The following INTS2 variants were observed in gnomAD, a reference collection of about 807,000 sequenced individuals.
The protein encoded by INTS2 is KIAA1287.
A neutral mutation model predicts 139.6 loss-of-function variants in INTS2; 57 were observed. That is an observed-to-expected ratio of 0.41 (90% CI 0.33 to 0.51). INTS2 has a LOEUF of 0.51. Ranked by LOEUF, INTS2 falls within the 20% of genes least tolerant of loss-of-function variation. The pLI is 0.28. For synonymous variants in INTS2, 473 were observed against 493.4 expected, an observed-to-expected ratio of 0.96 and a Z score of 0.55; for missense variants, 1,196 against 1,436.7, an observed-to-expected ratio of 0.83 and a Z score of 2.71.
intron 9 of INTS2, among the ~76,000 whole-genome samples, chr17:61,902,972 G>A (rs1213775337): frequency 2.0e-5 from 3 of 150,500 alleles, no homozygotes; most frequent in Non-Finnish European, 3.0e-5. Context: ...CGAGACCATC[G>A]TGGCTAACAT....
chr17:61,892,993 C>T (rs1301632637), intron 13 of INTS2, among the ~76,000 whole-genome samples: 1 of 141,334 alleles, frequency 7.1e-6, no homozygotes, highest in Non-Finnish European at 1.5e-5. Flanking sequence ...AGTGGTGGCT[C>T]GCACCTGTAG....
chr17:61,926,411 T>C lies in INTS2; in HGVS notation c.234A>G (p.Ala78=). The C allele has an allele frequency of 2.5e-6, 4 of 1,613,410 alleles. No individual in the cohort carries two copies. In the Admixed American group the frequency reaches 5.0e-5, roughly 20 times the overall value. ...SGVEAVNSIV[A]LLSVDFHALE... ...AAGCATGAAAGTCCACGGACAACAA[T>C]GCAACAATGGAGTTGACAGCTTCCA... is the stretch of plus-strand genomic sequence containing the variant. Residue 78 remains alanine (A), a synonymous_variant, in exon 2 of 25, where the codon GCA becomes GCG. Coordinates refer to ENST00000251334, the MANE Select transcript of INTS2 (RefSeq NM_001351695.2).
At position 61,868,520 on chromosome 17, in the gene INTS2, T is replaced by C. The variant is rs1158196849; in HGVS notation, c.3245-511A>G. On this transcript the variant is annotated intron_variant, in intron 23 of 24. Transcript: ENST00000251334. This position sits in a 1 kb window ranked among gnomAD's most constrained non-coding sequence, Gnocchi z 4.7. ...TGCCATTACATTAAGGGTTGCATTA[T>C]AGTTCATATATTTTAAAGTAGTTTA... is the stretch of plus-strand genomic sequence containing the variant. 6.6e-6 allele frequency among the ~76,000 whole-genome samples: 1 copy of C among 152,190 alleles called. No homozygotes were observed. The highest frequency in any genetic ancestry group is 1.5e-5 in the Non-Finnish European group (1 of 68,000).
At chr17:61,884,355 G>A (rs2145917446) in intron 16 of INTS2, among the ~76,000 whole-genome samples, 1 of 152,092 alleles carries the variant, frequency 6.6e-6, no homozygotes. Context: ...GACAGGCATG[G>A]TGGCGCACAT....
At chr17:61,900,372 A>G (rs1226228799) in intron 9 of INTS2, among the ~76,000 whole-genome samples, 2 of 152,222 alleles carry the variant, frequency 1.3e-5, no homozygotes, top group East Asian at 3.8e-4. Flanking sequence ...CAGAGAGAAG[A>G]CTGGAGATTT....
At chr17:61,899,111 T>C (rs920384347) in intron 9 of INTS2, among the ~76,000 whole-genome samples, 1 of 152,244 alleles carries the variant, frequency 6.6e-6, no homozygotes, top group Admixed American at 6.5e-5. Flanking sequence ...TAAAGTGTTA[T>C]GTAGTAGAAA....
chr17:61,920,785 A>T (rs1489560113), intron 4 of INTS2, among the ~76,000 whole-genome samples: 1 of 151,936 alleles, frequency 6.6e-6, no homozygotes, highest in Non-Finnish European at 1.5e-5. Context: ...CCTGGGTGAC[A>T]GAGTGAGACT....
In INTS2 at chr17:61,867,683, G is replaced by T; in HGVS notation, c.3465C>A (p.Ile1155=). 2.5e-6 allele frequency: 4 copies of T among 1,610,412 alleles called. No homozygotes were observed. Among genetic ancestry groups the T allele is most frequent in the Non-Finnish European group, 3.4e-6 (4 of 1,178,060 alleles). Residue 1155 remains isoleucine, a synonymous_variant, in exon 25 of 25, where the codon ATC becomes ATA. Transcript: ENST00000251334. This position sits in a 1 kb window ranked among gnomAD's most constrained non-coding sequence, Gnocchi z 5.6. ...IKEKPSGWSQ[I]CKDSSYKNGS... The stretch of plus-strand genomic sequence containing the variant: ...CATTTTTATAAGATGAATCTTTACA[G>T]ATTTGAGACCATCCACTTGGTTTCT...
At position 61,869,360 on chromosome 17, in the gene INTS2, CA is replaced by C; in HGVS notation, c.3050del (p.Leu1017CysfsTer3). The C allele has an allele frequency of 6.2e-7, 1 of 1,602,400 alleles. No homozygotes were observed. Among genetic ancestry groups the C allele is most frequent in the Admixed American group, 1.7e-5 (1 of 58,626 alleles). On this transcript the variant is annotated frameshift_variant, in exon 22 of 25. Transcript: ENST00000251334. LOFTEE classifies it high-confidence loss of function. The surrounding 1 kb of genome is among the most constrained non-coding windows in gnomAD (Gnocchi z 5.4). Reference sequence around the variant, plus strand: ...ATGGAATACCTGCGACCGTCAGAGGCAAAAGTTCACATGGATAACCCTATCT... The same window carrying C: ...ATGGAATACCTGCGACCGTCAGAGGCAAAGTTCACATGGATAACCCTATCT... ...VHFQGYPCEL[L>X]PLTVAGIPSM...
chr17:61,899,472 G>A (rs1056344372), intron 9 of INTS2, among the ~76,000 whole-genome samples: 3 of 151,902 alleles, frequency 2.0e-5, no homozygotes, highest in Admixed American at 1.3e-4. Flanking sequence ...GGCTGGTCTC[G>A]AACTCCTGAC....
chr17:61,919,922 T>G (rs531981135), intron 4 of INTS2, among the ~76,000 whole-genome samples: 1 of 152,260 alleles, frequency 6.6e-6, no homozygotes, highest in South Asian at 2.1e-4. Context: ...TATTATTAAA[T>G]ATCTTTTGAC....
chr17:61,881,367 C>T (rs536508897), intron 16 of INTS2, among the ~76,000 whole-genome samples, 196 bp from the exon 17 acceptor site: 103 of 152,168 alleles, frequency 6.8e-4, no homozygotes, highest in African/African-American at 2.4e-3. Context: ...GAAGCCGAGG[C>T]GGGTGGATCA....
intron 3 of INTS2, among the ~76,000 whole-genome samples, chr17:61,923,353 T>A (rs1218432525): frequency 6.6e-6 from 1 of 151,296 alleles, no homozygotes. Flanking sequence ...GGCGGGCACC[T>A]GTAGTCCCAG....
At chr17:61,881,440 T>C (rs1450777210) in intron 16 of INTS2, among the ~76,000 whole-genome samples, 2 of 152,048 alleles carry the variant, frequency 1.3e-5, no homozygotes, top group Non-Finnish European at 2.9e-5. Flanking sequence ...CTACTAAAAA[T>C]ACAAATATTA....
rs1340450264 is a variant in INTS2 at position 61,889,367 on chromosome 17, G to A, written c.1984+419C>T. On this transcript the variant is annotated intron_variant, in intron 15 of 24. Transcript: ENST00000251334. ...CTCCCGAAGTGCTAGGATTACAGGC[G>A]TAAGCCACCTCGACTGGCCTTTTCT... Among the ~76,000 whole-genome samples the A allele has an allele frequency of 2.0e-5, 3 of 152,252 alleles. No homozygotes were observed. In the South Asian group the frequency reaches 6.2e-4, roughly 32 times the overall value.
At chr17:61,922,742 A>G (rs1447654535) in intron 3 of INTS2, among the ~76,000 whole-genome samples, 1 of 151,942 alleles carries the variant, frequency 6.6e-6, no homozygotes, top group African/African-American at 2.4e-5. Context: ...CAAGTGAGGT[A>G]TTACGGAAAA....
At position 61,872,602 on chromosome 17, in the gene INTS2, C is replaced by T. The variant is rs1447678074; in HGVS notation, c.2583-142G>A. On this transcript the variant is annotated intron_variant, in intron 19 of 24. Transcript: ENST00000251334. This position sits in a 1 kb window ranked among gnomAD's most constrained non-coding sequence, Gnocchi z 4.8. ...CTTTTCCCACTAAAATATTCATTCT[C>T]AAAAGTTTAATATATGTTTCTTATT... The T allele has an allele frequency of 2.0e-6, 1 of 491,908 alleles. No homozygotes were observed. Among genetic ancestry groups the T allele is most frequent in the Non-Finnish European group, 3.5e-6 (1 of 283,918 alleles). The allele number at this position is 491,908 out of a possible 1,614,324, so 30.5% of individuals were successfully genotyped here.
chr17:61,922,419 G>C (rs1325828310), intron 3 of INTS2, among the ~76,000 whole-genome samples: 1 of 131,624 alleles, frequency 7.6e-6, no homozygotes, highest in African/African-American at 2.9e-5. Flanking sequence ...AGTGAGCCGA[G>C]ATAGCACCAC....
Position 61,868,893 on chromosome 17 carries a change from T to A in INTS2, c.3244+141A>T, listed in dbSNP as rs569517714. 7.2e-6 allele frequency: 4 copies of A among 557,312 alleles called. No individual in the cohort carries two copies. The highest frequency in any genetic ancestry group is 1.3e-5 in the Non-Finnish European group (4 of 314,718). 34.5% of individuals were successfully genotyped at this position (557,312 alleles called of 1,614,324 possible). ...CAAAAGAAGAATTCAAAAGACGGCA[T>A]AAGTTAAACTAGTATTTAACACATA... On this transcript the variant is annotated intron_variant, in intron 23 of 24. Coordinates refer to ENST00000251334, the MANE Select transcript of INTS2 (RefSeq NM_001351695.2). This position sits in a 1 kb window ranked among gnomAD's most constrained non-coding sequence, Gnocchi z 4.7.
Sources: allele counts gnomAD v4.1 joint callset (sites outside exome capture counted in the v4.1 genomes callset), GRCh38; gene constraint gnomAD v4.1.1; non-coding constraint Gnocchi (gnomAD v3.1); transcripts MANE v1.5; gene names NCBI Gene and HGNC (gene_info 2026-07-23, HGNC 2026-07-21).